The following ZC3H12B variants were observed in gnomAD, a reference collection of about 807,000 sequenced individuals.
ZC3H12B encodes the protein zinc finger CCCH-type containing 12B.
Under a neutral mutation model 43.9 loss-of-function variants are expected in ZC3H12B, and 7 were observed. That is an observed-to-expected ratio of 0.16 (90% CI 0.09 to 0.30). The LOEUF (loss-of-function observed/expected upper bound fraction) is 0.30. Among genes scored for constraint, ZC3H12B ranks in the 10% least tolerant of loss-of-function variants. The probability of loss-of-function intolerance (pLI) is 1.00; values close to 1 mark genes in which losing one functional copy is unlikely to be tolerated. For missense variants in ZC3H12B, 475 were observed against 670.2 expected, an observed-to-expected ratio of 0.71 and a Z score of 3.22; for synonymous variants, 222 against 241.7, an observed-to-expected ratio of 0.92 and a Z score of 0.76.
the ZC3H12B span, among the ~76,000 whole-genome samples, chrX:65,149,049 G>T: frequency 1.8e-5 from 2 of 111,455 alleles, no homozygotes; most frequent in Non-Finnish European, 3.8e-5. Context: ...GTTTCTCTGT[G>T]TTTTTTTGGT....
the ZC3H12B span, among the ~76,000 whole-genome samples, chrX:65,197,096 G>T: frequency 8.9e-6 from 1 of 111,942 alleles, no homozygotes; most frequent in South Asian, 3.7e-4. Flanking sequence ...CACCCACAGG[G>T]CAGCAGCTGC....
the ZC3H12B span, among the ~76,000 whole-genome samples, chrX:65,348,075 G>A: frequency 3.7e-5 from 4 of 109,148 alleles, no homozygotes; most frequent in South Asian, 1.2e-3. Flanking sequence ...ACACACCGGG[G>A]CCTGTGGTGG....
At chrX:65,199,687 A>T in the ZC3H12B span, among the ~76,000 whole-genome samples, 1 of 111,166 alleles carries the variant, frequency 9.0e-6, no homozygotes, top group East Asian at 2.8e-4. Context: ...ATAAGTGGGA[A>T]CATGCAGTGT....
chrX:65,049,037 G>A, the ZC3H12B span, among the ~76,000 whole-genome samples: 1 of 110,923 alleles, frequency 9.0e-6, no homozygotes, highest in South Asian at 3.7e-4. Flanking sequence ...TTTCTATTGA[G>A]TTGTACAAGT....
At chrX:65,505,923 G>C (rs2068420875) in exon 5 of ZC3H12B, 1 of 112,650 alleles carries the variant, frequency 8.9e-6, no homozygotes. Context: ...AAAGCGGCTA[G>C]GAGCAATGCC....
chrX:65,107,292 G>T, the ZC3H12B span, among the ~76,000 whole-genome samples: 7 of 110,696 alleles, frequency 6.3e-5, no homozygotes, highest in Admixed American at 9.6e-5. Context: ...GTGGGGCAGA[G>T]AATAAAAGGA....
chrX:65,138,852 C>A, the ZC3H12B span, among the ~76,000 whole-genome samples: 2 of 112,072 alleles, frequency 1.8e-5, no homozygotes, highest in East Asian at 5.6e-4. Context: ...ATGTAGATCA[C>A]CTCTTCATGT....
chrX:65,312,516 C>CAA, the ZC3H12B span, among the ~76,000 whole-genome samples: 543 of 100,563 alleles, frequency 5.4e-3, 7 homozygotes, highest in African/African-American at 0.018. Context: ...ATAAAGGAGC[C>CAA]AAAAAAAAAA....
chrX:65,121,487 G>A, the ZC3H12B span, among the ~76,000 whole-genome samples: 1,831 of 111,211 alleles, frequency 0.016, 37 homozygotes, highest in African/African-American at 0.055. Context: ...CCATGGGATC[G>A]GTGGTGATAT....
chrX:65,097,146 T>A, the ZC3H12B span, among the ~76,000 whole-genome samples: 1 of 112,111 alleles, frequency 8.9e-6, no homozygotes, highest in Admixed American at 9.5e-5. Context: ...CATGAATTCA[T>A]TAATCCTATC....
At chrX:65,331,413 T>C in the ZC3H12B span, among the ~76,000 whole-genome samples, 9 of 111,316 alleles carry the variant, frequency 8.1e-5, no homozygotes, top group Non-Finnish European at 7.5e-5. Context: ...TATATTCTCA[T>C]TTATACATGG....
At chrX:65,206,665 CTTAA>C in the ZC3H12B span, among the ~76,000 whole-genome samples, 1 of 111,277 alleles carries the variant, frequency 9.0e-6, no homozygotes, top group Non-Finnish European at 1.9e-5. Context: ...ATAGATAGGA[CTTAA>C]TTAAACTAAA....
the ZC3H12B span, among the ~76,000 whole-genome samples, chrX:65,275,926 A>G: frequency 2.2e-4 from 25 of 112,255 alleles, no homozygotes; most frequent in African/African-American, 8.1e-4. Flanking sequence ...AATAGAATGC[A>G]GTGAGACAAT....
chrX:65,150,342 G>A, the ZC3H12B span, among the ~76,000 whole-genome samples: 1 of 110,652 alleles, frequency 9.0e-6, no homozygotes, highest in East Asian at 2.8e-4. Context: ...CTTCATATTT[G>A]CTGAGACAAA....
the ZC3H12B span, among the ~76,000 whole-genome samples, chrX:65,198,720 A>G: frequency 9.0e-6 from 1 of 111,668 alleles, no homozygotes; most frequent in Non-Finnish European, 1.9e-5. Context: ...AACCTTCTGG[A>G]ACTTGGATAT....
the ZC3H12B span, among the ~76,000 whole-genome samples, chrX:65,340,361 C>A: frequency 1.8e-5 from 2 of 112,161 alleles, no homozygotes; most frequent in Non-Finnish European, 3.8e-5. Context: ...CAATCATGCA[C>A]CACATTGTCC....
the ZC3H12B span, among the ~76,000 whole-genome samples, chrX:65,249,130 G>C: frequency 1.1e-4 from 12 of 111,428 alleles, no homozygotes; most frequent in Non-Finnish European, 1.9e-4. Flanking sequence ...TTTGCTTTTG[G>C]ATTCCTGATT....
At chrX:65,311,780 G>T in the ZC3H12B span, among the ~76,000 whole-genome samples, 1 of 111,885 alleles carries the variant, frequency 8.9e-6, no homozygotes, top group African/African-American at 3.3e-5. Flanking sequence ...TTAAGGAAAT[G>T]TGGCACATAT....
chrX:65,472,924 G>GTA (rs1240609841), intron 3 of ZC3H12B, among the ~76,000 whole-genome samples: 15 of 82,238 alleles, frequency 1.8e-4, no homozygotes, highest in South Asian at 1.7e-3. Context: ...ATATGTTTGT[G>GTA]TATATATATA....
Sources: allele counts gnomAD v4.1 joint callset (sites outside exome capture counted in the v4.1 genomes callset), GRCh38; gene constraint gnomAD v4.1.1; transcripts MANE v1.5; gene names NCBI Gene and HGNC (gene_info 2026-07-23, HGNC 2026-07-21).